SNED1: variants seen among roughly 807,000 people sequenced by gnomAD.
The protein encoded by SNED1 is sushi, nidogen and EGF-like domain-containing protein 1.
SNED1 carries 81 observed loss-of-function variants against 166.7 expected under a neutral mutation model. The ratio of observed to expected loss-of-function variants is 0.49; its 90% CI spans 0.41 to 0.58. The LOEUF is 0.58. Ranked by LOEUF, SNED1 falls within the 20% of genes least tolerant of loss-of-function variation. The probability of loss-of-function intolerance (pLI) is 0.00; values close to 1 mark genes in which losing one functional copy is unlikely to be tolerated. For missense variants in SNED1, 1,604 were observed against 2,000.2 expected (o/e 0.80, Z 3.78); for synonymous variants, 762 against 822.0 (o/e 0.93, Z 1.25).
intron 16 of SNED1, among the ~76,000 whole-genome samples, chr2:241,057,389 ATATAT>A: frequency 8.5e-6 from 1 of 118,176 alleles, no homozygotes; most frequent in Admixed American, 8.0e-5. Flanking sequence ...AAATATATAT[ATATAT>A]ATATATATAT....
chr2:241,048,507 TGG>T, intron 9 of SNED1, 67 bp downstream of exon 9: 1 of 1,533,900 alleles, frequency 6.5e-7, no homozygotes, highest in Non-Finnish European at 8.8e-7. Context: ...GGCCTTCCTG[TGG>T]GTGCATGCAG....
chr2:241,071,034 G>A (rs1332475592), intron 24 of SNED1, among the ~76,000 whole-genome samples: 1 of 152,224 alleles, frequency 6.6e-6, no homozygotes, highest in Non-Finnish European at 1.5e-5. Context: ...CCAGGCAGAA[G>A]GGGCAGGCTG....
Position 241,034,826 on chromosome 2 carries a change from G to C in SNED1, c.805+96G>C, listed in dbSNP as rs949471116. The C allele has an allele frequency of 4.5e-6, 6 of 1,333,962 alleles. No individual in the cohort carries two copies. In the East Asian group the frequency reaches 7.9e-5, roughly 17 times the overall value. 82.6% of individuals were successfully genotyped at this position (1,333,962 alleles called of 1,614,324 possible). A position where few individuals can be genotyped will look rare whatever the true frequency, so the allele number is the denominator to read the frequency against. On this transcript the variant is annotated intron_variant, in intron 4 of 31. Transcript: ENST00000310397. ...GAGACGAAGGGGGCTGGATGCTGACGGGGAGAGCAGGAGCACTTGGGTGTC... is the reference window on the plus strand; with the variant it reads ...GAGACGAAGGGGGCTGGATGCTGACCGGGAGAGCAGGAGCACTTGGGTGTC...
chr2:241,024,235 CTTTTTTTT>C (rs10664618), intron 1 of SNED1, among the ~76,000 whole-genome samples: 1 of 46,908 alleles, frequency 2.1e-5, no homozygotes. Flanking sequence ...ACTCTACTAC[CTTTTTTTT>C]TTTTTTTTTT....
At chr2:241,014,229 G>A (rs4676006) in intron 1 of SNED1, among the ~76,000 whole-genome samples, 1 of 152,066 alleles carries the variant, frequency 6.6e-6, no homozygotes, top group African/African-American at 2.4e-5. Flanking sequence ...GGCTGGTCTC[G>A]AACTCCTGGC....
chr2:241,078,247 G>A (rs1299807270), intron 27 of SNED1, among the ~76,000 whole-genome samples: 2 of 151,686 alleles, frequency 1.3e-5, no homozygotes, highest in Non-Finnish European at 2.9e-5. Context: ...GCTGGGCGTG[G>A]TGGCGGGCGC....
chr2:241,064,875 G>C lies in SNED1; in HGVS notation c.2631G>C (p.Gly877=), dbSNP rs781133739. The part of the protein sequence containing the change: ...VSDPCFSSPC[G]GRGYCLASNG... The stretch of plus-strand genomic sequence containing the variant: ...ACCCCTGCTTCTCCAGCCCCTGTGG[G>C]GGCCGTGGCTATTGCCTGGCCAGCA... Residue 877 remains glycine, a synonymous_variant, in exon 20 of 32, where the codon GGG becomes GGC. Coordinates refer to ENST00000310397, the MANE Select transcript of SNED1 (RefSeq NM_001080437.3). This position sits in a 1 kb window ranked among gnomAD's most constrained non-coding sequence, Gnocchi z 7.0. The C allele has an allele frequency of 1.4e-5, 23 of 1,591,202 alleles. No individual in the cohort carries two copies. The East Asian group carries it at 5.3e-4, about 36-fold the overall frequency.
chr2:241,035,604 G>C (rs1466681079), intron 4 of SNED1: 2 of 152,182 alleles, frequency 1.3e-5, no homozygotes, highest in Admixed American at 6.5e-5. Flanking sequence ...TCCCAGCCGC[G>C]AGCATCTAGG....
At position 241,093,033 on chromosome 2, in the gene SNED1, T is replaced by C. The variant is rs2064139491; in HGVS notation, c.*1397T>C. On this transcript the variant is annotated 3_prime_UTR_variant, in exon 32 of 32. Transcript: ENST00000310397. ...ATGTTTTTTGAAGAGTTAGAGTATATTTTAGGCTTTTTATCTTTATTAAAA... is the reference window on the plus strand; with the variant it reads ...ATGTTTTTTGAAGAGTTAGAGTATACTTTAGGCTTTTTATCTTTATTAAAA... The C allele has an allele frequency of 6.6e-6, 1 of 152,200 alleles. No homozygotes were observed. Among genetic ancestry groups the C allele is most frequent in the Non-Finnish European group, 1.5e-5 (1 of 68,030 alleles). The allele number at this position is 152,200 out of a possible 1,614,324, so 9.4% of individuals were successfully genotyped here. A position where few individuals can be genotyped will look rare whatever the true frequency, so the allele number is the denominator to read the frequency against.
intron 4 of SNED1, among the ~76,000 whole-genome samples, chr2:241,035,344 C>T (rs1272620220): frequency 1.3e-5 from 2 of 152,106 alleles, no homozygotes; most frequent in East Asian, 3.9e-4. Context: ...CACAAACGGA[C>T]GGGGTGGGTG....
chr2:241,039,940 A>G, intron 6 of SNED1, 135 bp from the exon 7 acceptor site: 1 of 700,876 alleles, frequency 1.4e-6, no homozygotes, highest in Non-Finnish European at 2.4e-6. Context: ...TCGCCCGCTC[A>G]GAAACCTGCC....
intron 6 of SNED1, among the ~76,000 whole-genome samples, chr2:241,038,452 G>A (rs2061436046): frequency 1.3e-5 from 2 of 152,226 alleles, no homozygotes; most frequent in African/African-American, 4.8e-5. Context: ...CAATGGAAAT[G>A]TGACTTCAAG....
intron 27 of SNED1, among the ~76,000 whole-genome samples, chr2:241,080,129 CA>C (rs1222308047): frequency 6.6e-6 from 1 of 151,948 alleles, no homozygotes; most frequent in African/African-American, 2.4e-5. Flanking sequence ...TACTAAAATA[CA>C]AAAATTAGCC....
intron 8 of SNED1, among the ~76,000 whole-genome samples, chr2:241,045,562 A>G (rs1026145594): frequency 6.6e-6 from 1 of 152,154 alleles, no homozygotes; most frequent in African/African-American, 2.4e-5. Flanking sequence ...AATCTTTTCA[A>G]CAAATGGGGT....
intron 1 of SNED1, among the ~76,000 whole-genome samples, chr2:241,005,986 C>A (rs991771699): frequency 2.0e-4 from 31 of 151,916 alleles, no homozygotes; most frequent in African/African-American, 7.5e-4. Flanking sequence ...TTTTTCTGTC[C>A]TTTCTCTCCT....
rs1173367016 is a variant in SNED1, at chr2:241,081,792, C to T, written c.4032C>T (p.Leu1344=). ...GGTTCAAAGGCAGACGCTGCGAGCT[C>T]GGTAAGTCGGGGCTTGGCCTCAGGG... ...GPGFKGRRCE[L]ACIKVSRPCT... is the part of the protein sequence containing the mutation. Residue 1344 remains leucine, a splice_region_variant and synonymous_variant, in exon 28 of 32, where the codon CTC becomes CTT. Transcript: ENST00000310397. The T allele has an allele frequency of 1.9e-6, 3 of 1,576,292 alleles. No individual in the cohort carries two copies. Among genetic ancestry groups the T allele is most frequent in the Non-Finnish European group, 1.7e-6 (2 of 1,160,280 alleles).
At chr2:241,010,348 G>C (rs940874508) in intron 1 of SNED1, 1 of 152,296 alleles carries the variant, frequency 6.6e-6, no homozygotes, top group African/African-American at 2.4e-5. Flanking sequence ...GCTCTTTCCT[G>C]CTTTCATCCA....
intron 27 of SNED1, among the ~76,000 whole-genome samples, chr2:241,081,325 CG>C (rs1363873532): frequency 7.1e-6 from 1 of 140,852 alleles, no homozygotes; most frequent in Non-Finnish European, 1.6e-5. Context: ...CAGCAAGGGT[CG>C]GGGTGGGGAG....
chr2:241,031,626 A>T (rs551845411), intron 2 of SNED1, among the ~76,000 whole-genome samples: 1 of 152,264 alleles, frequency 6.6e-6, no homozygotes, highest in Admixed American at 6.5e-5. Flanking sequence ...GTTCAGCTTC[A>T]TGCATCTCCT....
Sources: gnomAD v4.1 joint callset for allele counts (sites outside exome capture counted in the v4.1 genomes callset) on GRCh38, gnomAD v4.1.1 for gene constraint, Gnocchi (gnomAD v3.1) non-coding constraint, MANE v1.5 for transcripts, NCBI Gene and HGNC (gene_info 2026-07-23, HGNC 2026-07-21) for gene names.